The following PHF21A variants were observed in gnomAD, a reference collection of about 807,000 sequenced individuals.
PHF21A encodes the protein PHD finger protein 21A, also known as BHC80a.
A neutral mutation model predicts 82.5 loss-of-function variants in PHF21A; 11 were observed. That is an observed-to-expected ratio of 0.13 (90% CI 0.08 to 0.22). The LOEUF is 0.22. PHF21A is among the 10% of genes least tolerant of loss of function. The probability of loss-of-function intolerance (pLI) is 1.00; values close to 1 mark genes in which losing one functional copy is unlikely to be tolerated. For missense variants in PHF21A, 579 were observed against 837.8 expected, an observed-to-expected ratio of 0.69 and a Z score of 3.81; for synonymous variants, 297 against 302.8, an observed-to-expected ratio of 0.98 and a Z score of 0.20.
At chr11:45,955,480 G>T (rs1342740673) in intron 10 of PHF21A, among the ~76,000 whole-genome samples, 1 of 152,170 alleles carries the variant, frequency 6.6e-6, no homozygotes, top group African/African-American at 2.4e-5. Context: ...AACTATAAGG[G>T]TGTGCTGTTC....
intron 6 of PHF21A, among the ~76,000 whole-genome samples, chr11:46,066,071 A>G (rs1214617316): frequency 6.6e-6 from 1 of 152,254 alleles, no homozygotes; most frequent in Non-Finnish European, 1.5e-5. Context: ...ACTACTTCAA[A>G]AGAAAGGGAT....
At chr11:45,939,604 G>C (rs2089936512) in intron 15 of PHF21A, among the ~76,000 whole-genome samples, 1 of 152,000 alleles carries the variant, frequency 6.6e-6, no homozygotes, top group East Asian at 1.9e-4. Flanking sequence ...AACTTCACCA[G>C]CTGGAAAAAG....
At chr11:46,002,850 T>C (rs1355235192) in intron 6 of PHF21A, among the ~76,000 whole-genome samples, 1 of 152,060 alleles carries the variant, frequency 6.6e-6, no homozygotes, top group Non-Finnish European at 1.5e-5. Flanking sequence ...AAAAAGTCTC[T>C]AGAACAAAGC....
intron 15 of PHF21A, among the ~76,000 whole-genome samples, chr11:45,941,275 T>C (rs2090298086): frequency 6.6e-6 from 1 of 152,140 alleles, no homozygotes; most frequent in Non-Finnish European, 1.5e-5. Context: ...ATTTTTTTAT[T>C]TTTTGTAGAG....
At chr11:46,003,934 T>C (rs1028795978) in intron 6 of PHF21A, among the ~76,000 whole-genome samples, 5 of 152,218 alleles carry the variant, frequency 3.3e-5, no homozygotes, top group African/African-American at 1.2e-4. Flanking sequence ...TGTTTCCATT[T>C]GGAAATACAT....
chr11:45,987,420 G>C (rs2946008), intron 6 of PHF21A, among the ~76,000 whole-genome samples: 132,376 of 151,690 alleles, frequency 0.87, 58,092 homozygotes, highest in East Asian at 1. Flanking sequence ...CTGGCACTTT[G>C]GGAGGCCGAG....
chr11:45,963,258 A>G (rs1302636582), intron 10 of PHF21A, among the ~76,000 whole-genome samples: 1 of 151,896 alleles, frequency 6.6e-6, no homozygotes, highest in African/African-American at 2.4e-5. Context: ...CGTCTCTACT[A>G]AAAATACAAA....
At chr11:45,947,103 C>T (rs931631835) in intron 14 of PHF21A, among the ~76,000 whole-genome samples, 9 of 152,312 alleles carry the variant, frequency 5.9e-5, no homozygotes, top group African/African-American at 2.2e-4. Context: ...CTCCCATCAG[C>T]ACTCCTAACT....
chr11:45,967,111 G>A (rs1243818267), intron 9 of PHF21A, among the ~76,000 whole-genome samples: 1 of 151,982 alleles, frequency 6.6e-6, no homozygotes, highest in Admixed American at 6.6e-5. Flanking sequence ...GCTCACACCT[G>A]TAATCCCAAC....
chr11:45,938,043 C>G (rs1033816172), intron 16 of PHF21A, 114 bp downstream of exon 16: 4 of 896,240 alleles, frequency 4.5e-6, no homozygotes, highest in African/African-American at 1.7e-5. Context: ...AGATGCAGCC[C>G]GGAGACGGAC....
At chr11:45,947,457 CCT>C (rs1482459518) in intron 14 of PHF21A, among the ~76,000 whole-genome samples, 1 of 152,090 alleles carries the variant, frequency 6.6e-6, no homozygotes, top group Non-Finnish European at 1.5e-5. Context: ...AAAAATATTA[CCT>C]CTCTGTATTA....
At chr11:46,018,539 C>A (rs1276697474) in intron 6 of PHF21A, among the ~76,000 whole-genome samples, 1 of 152,212 alleles carries the variant, frequency 6.6e-6, no homozygotes, top group African/African-American at 2.4e-5. Context: ...AAACAGCTAT[C>A]CTGAAATAGC....
intron 1 of PHF21A, among the ~76,000 whole-genome samples, chr11:46,093,288 T>C (rs907104238): frequency 6.6e-6 from 1 of 152,226 alleles, no homozygotes. Flanking sequence ...AATATGGTGT[T>C]TGTTGACTGA....
Position 45,972,202 on chromosome 11 carries a change from G to C in PHF21A, c.361-835C>G, listed in dbSNP as rs546590734. On this transcript the variant is annotated intron_variant, in intron 7 of 18. Coordinates refer to ENST00000676320, the MANE Select transcript of PHF21A (RefSeq NM_001352027.3). ...GAGATCAGAAGATGAACTGAGGTGA[G>C]AGGACTTGACTGATGCTCCTTAAGT... 2.0e-5 allele frequency among the ~76,000 whole-genome samples: 3 copies of C among 152,076 alleles called. No individual in the cohort carries two copies. The East Asian group carries it at 5.8e-4, about 29-fold the overall frequency.
At chr11:46,090,368 G>A (rs1316657893) in intron 3 of PHF21A, 87 bp downstream of exon 3, 2 of 152,186 alleles carry the variant, frequency 1.3e-5, no homozygotes, top group Non-Finnish European at 2.9e-5. Flanking sequence ...CTTAATAGAA[G>A]TGGAAGTTAT....
Position 46,018,077 on chromosome 11 carries a change from C to T in PHF21A, c.154-38111G>A, listed in dbSNP as rs893951788. 1.1e-3 allele frequency among the ~76,000 whole-genome samples: 173 copies of T among 151,806 alleles called. 1 individual carries two copies. Among genetic ancestry groups the T allele is most frequent in the African/African-American group, 3.7e-3 (153 of 41,378 alleles). On this transcript the variant is annotated intron_variant, in intron 6 of 18. Coordinates refer to ENST00000676320, the MANE Select transcript of PHF21A (RefSeq NM_001352027.3). ...CATCCCGGCTAAAACGGTGAAACCC[C>T]GTCTCTACTAAAAATACAAAAAATT...
chr11:45,952,095 G>A (rs1005747324), intron 11 of PHF21A, among the ~76,000 whole-genome samples: 2 of 152,128 alleles, frequency 1.3e-5, no homozygotes, highest in Non-Finnish European at 2.9e-5. Flanking sequence ...GTGAGCCACC[G>A]CGCCCAGCCT....
chr11:46,052,059 G>C (rs990971985), intron 6 of PHF21A, among the ~76,000 whole-genome samples: 2 of 152,182 alleles, frequency 1.3e-5, no homozygotes, highest in African/African-American at 4.8e-5. Flanking sequence ...GATGATCCAG[G>C]AGTAGCATAT....
chr11:46,063,569 A>G (rs974680785), intron 6 of PHF21A, among the ~76,000 whole-genome samples: 3 of 152,166 alleles, frequency 2.0e-5, no homozygotes. Context: ...AGTTTTACCA[A>G]TCCCTGCCCT....
Sources: allele counts gnomAD v4.1 joint callset (sites outside exome capture counted in the v4.1 genomes callset), GRCh38; gene constraint gnomAD v4.1.1; transcripts MANE v1.5; gene names NCBI Gene and HGNC (gene_info 2026-07-23, HGNC 2026-07-21).